Variants in LIMCH1 observed in about 807,000 individuals in gnomAD.
LIMCH1 encodes LIM and calponin homology domains 1, also known as LIM and calponin homology domains-containing protein 1.
In LIMCH1, 113 loss-of-function variants were observed where a neutral mutation model predicts 176.5. The ratio of observed to expected loss-of-function variants is 0.64; its 90% CI spans 0.55 to 0.75. LIMCH1 has a LOEUF of 0.75. Ranked by LOEUF, LIMCH1 falls within the 30% of genes least tolerant of loss-of-function variation. The pLI is 0.00. For synonymous variants in LIMCH1, 619 were observed against 645.9 expected (o/e 0.96, Z 0.63); for missense variants, 1,674 against 1,814.9 (o/e 0.92, Z 1.41).
chr4:41,683,022 G>C (rs184112386), intron 26 of LIMCH1, among the ~76,000 whole-genome samples: 2 of 152,096 alleles, frequency 1.3e-5, no homozygotes, highest in African/African-American at 2.4e-5. Flanking sequence ...TTAAACAAAG[G>C]GGGGCAGTAT....
chr4:41,419,658 T>TTCC (rs2060378014), intron 1 of LIMCH1, among the ~76,000 whole-genome samples: 1 of 80,694 alleles, frequency 1.2e-5, no homozygotes, highest in African/African-American at 7.3e-5. Context: ...TCCTCCTTCC[T>TTCC]TCCTTCCTTC....
intron 1 of LIMCH1, among the ~76,000 whole-genome samples, chr4:41,468,348 T>TC (rs1187164500): frequency 8.8e-5 from 1 of 11,318 alleles, no homozygotes; most frequent in African/African-American, 2.0e-4. Flanking sequence ...CCTCCCCTCC[T>TC]CCTCCTCCCT....
chr4:41,653,699 G>A (rs976475876), intron 18 of LIMCH1, among the ~76,000 whole-genome samples: 28 of 152,256 alleles, frequency 1.8e-4, no homozygotes, highest in African/African-American at 6.0e-4. Flanking sequence ...AGGGCGGCCC[G>A]AGACCTGCTG....
At chr4:41,467,379 T>C (rs2066308810) in intron 1 of LIMCH1, among the ~76,000 whole-genome samples, 1 of 152,214 alleles carries the variant, frequency 6.6e-6, no homozygotes, top group African/African-American at 2.4e-5. Context: ...TACCTGAGAC[T>C]GGGTGATTTA....
intron 1 of LIMCH1, among the ~76,000 whole-genome samples, chr4:41,476,127 A>C (rs6834608): frequency 6.6e-6 from 1 of 151,898 alleles, no homozygotes; most frequent in African/African-American, 2.4e-5. Flanking sequence ...ATGAGCTCTC[A>C]CACCTGGCCC....
intron 1 of LIMCH1, among the ~76,000 whole-genome samples, chr4:41,419,633 TCCTC>T (rs1160917911): frequency 6.0e-5 from 4 of 66,898 alleles, no homozygotes; most frequent in Non-Finnish European, 1.0e-4. Flanking sequence ...CTTCCTTCCT[TCCTC>T]CTTCCTTTCT....
At chr4:41,668,252 G>A (rs888278470) in intron 21 of LIMCH1, among the ~76,000 whole-genome samples, 1 of 152,164 alleles carries the variant, frequency 6.6e-6, no homozygotes, top group African/African-American at 2.4e-5. Context: ...ACTGGTACAT[G>A]TGCTGATGGA....
In LIMCH1 at chr4:41,405,866, A is replaced by G. The variant is rs1176675614; in HGVS notation, c.96+44930A>G. Among the ~76,000 whole-genome samples the G allele has an allele frequency of 2.0e-5, 3 of 152,216 alleles. No homozygotes were observed. The East Asian group carries it at 5.8e-4, about 29-fold the overall frequency. ...GAAGTGATGCAAGGCTAAGAACAAA[A>G]CTGTAATTGTTTAATTCAGAAAGTA... On this transcript the variant is annotated intron_variant, in intron 1 of 26. Coordinates refer to the LIMCH1 transcript ENST00000313860.
chr4:41,476,818 T>A (rs2067823149), intron 1 of LIMCH1, among the ~76,000 whole-genome samples: 1 of 152,218 alleles, frequency 6.6e-6, no homozygotes, highest in South Asian at 2.1e-4. Flanking sequence ...TTGTGATGAT[T>A]TTTTAAAAAC....
chr4:41,596,360 G>T (rs1483606657), intron 1 of LIMCH1, among the ~76,000 whole-genome samples: 1 of 151,980 alleles, frequency 6.6e-6, no homozygotes, highest in African/African-American at 2.4e-5. Flanking sequence ...GGAAGTCTGA[G>T]TACTGAGTAA....
At position 41,681,024 on chromosome 4, in the gene LIMCH1, A is replaced by G; in HGVS notation, c.3682A>G (p.Thr1228Ala). Residue 1228 changes from threonine (T) to alanine (A), a missense_variant, in exon 25 of 32, where the codon ACC becomes GCC. By Grantham distance (58) the Thr-to-Ala change is moderately conservative. This residue lies in a region of LIMCH1 where 1,015 missense variants were observed against 1,102.5 expected (regional missense o/e 0.92). Transcript: ENST00000503057. ...VSSSSADQLS[T>A]SSSMTEGSGT... ...TTCAAGTTCCGCTGACCAGCTGTCT[A>G]CCTCTTCCTCCATGACTGAAGGCAG... 1.2e-6 allele frequency: 2 copies of G among 1,612,198 alleles called. No homozygotes were observed. Among genetic ancestry groups the G allele is most frequent in the South Asian group, 1.1e-5 (1 of 90,992 alleles).
chr4:41,558,416 A>G (rs572524601), intron 1 of LIMCH1, among the ~76,000 whole-genome samples: 3 of 152,308 alleles, frequency 2.0e-5, no homozygotes, highest in African/African-American at 7.2e-5. Flanking sequence ...ATGTCTGATT[A>G]TGCTTCTTTC....
At chr4:41,693,622 T>C (rs1728114315) in intron 31 of LIMCH1, among the ~76,000 whole-genome samples, 1 of 151,180 alleles carries the variant, frequency 6.6e-6, no homozygotes, top group Non-Finnish European at 1.5e-5. Context: ...ACATATATAG[T>C]ACATGTATAA....
intron 1 of LIMCH1, among the ~76,000 whole-genome samples, chr4:41,556,395 CAA>C (rs71198668): frequency 7.8e-4 from 65 of 83,870 alleles, no homozygotes; most frequent in Non-Finnish European, 1.2e-3. Context: ...AACTCTATCT[CAA>C]AAAAAAAAAA....
At chr4:41,644,760 A>T in intron 15 of LIMCH1, 134 bp downstream of exon 15, 1 of 1,093,142 alleles carries the variant, frequency 9.1e-7, no homozygotes, top group South Asian at 1.7e-5. Context: ...GTGACACGGT[A>T]AATGTGGGAC....
intron 31 of LIMCH1, chr4:41,692,854 G>A (rs1485076352): frequency 2.0e-5 from 3 of 153,592 alleles, no homozygotes; most frequent in African/African-American, 7.2e-5. Context: ...CCAACTGAAT[G>A]GAAAGTTCCT....
chr4:41,606,743 A>AGTGTACAGGTGTACCCGCCTTAGTGT (rs1372361588), intron 4 of LIMCH1, among the ~76,000 whole-genome samples: 13 of 152,192 alleles, frequency 8.5e-5, no homozygotes, highest in Non-Finnish European at 1.5e-4. Flanking sequence ...AGGCCCTCCC[A>AGTGTACAGGTGTACCCGCCTTAGTGT]ACCCGCCTTA....
intron 3 of LIMCH1, among the ~76,000 whole-genome samples, chr4:41,525,329 A>G (rs1020731068): frequency 6.6e-6 from 1 of 152,218 alleles, no homozygotes; most frequent in Non-Finnish European, 1.5e-5. Flanking sequence ...CCTTCTGCGC[A>G]TGTAGTTTTG....
chr4:41,652,546 A>G (rs1344394034), intron 18 of LIMCH1, among the ~76,000 whole-genome samples: 1 of 152,320 alleles, frequency 6.6e-6, no homozygotes, highest in South Asian at 2.1e-4. Flanking sequence ...AACTTAACTG[A>G]TAGAGTAAAC....
Sources: allele counts gnomAD v4.1 joint callset (sites outside exome capture counted in the v4.1 genomes callset), GRCh38; gene constraint gnomAD v4.1.1; regional missense constraint gnomAD v4.1.1; transcripts MANE v1.5; gene names NCBI Gene and HGNC (gene_info 2026-07-23, HGNC 2026-07-21).